KCNT2: variants seen among roughly 807,000 people sequenced by gnomAD.
The protein encoded by KCNT2 is potassium sodium-activated channel subfamily T member 2.
KCNT2 carries 67 observed loss-of-function variants against 153.8 expected under a neutral mutation model. That is an observed-to-expected ratio of 0.44 (90% CI 0.36 to 0.53). The LOEUF is 0.53. Among genes scored for constraint, KCNT2 ranks in the 20% least tolerant of loss-of-function variants. KCNT2 has a pLI of 0.00. For missense variants in KCNT2, 975 were observed against 1,354.8 expected (o/e 0.72, Z 4.40); for synonymous variants, 500 against 458.8 (o/e 1.09, Z -1.15).
chr1:196,466,199 C>G (rs1677602081), intron 7 of KCNT2, among the ~76,000 whole-genome samples: 2 of 151,728 alleles, frequency 1.3e-5, no homozygotes, highest in African/African-American at 4.8e-5. Context: ...TATTTTTTTC[C>G]AACAACTAAT....
chr1:196,342,842 ACTAACTGAATATT>A (rs1322280665), intron 14 of KCNT2, among the ~76,000 whole-genome samples: 1 of 152,146 alleles, frequency 6.6e-6, no homozygotes, highest in African/African-American at 2.4e-5. Context: ...GATCTCTCCA[ACTAACTGAATATT>A]CTTGTAACCA....
In KCNT2 at chr1:196,437,372, AT is replaced by A. The variant is rs1572450217; in HGVS notation, c.639-7616del. Among the ~76,000 whole-genome samples the A allele has an allele frequency of 6.5e-5, 9 of 139,096 alleles. No individual in the cohort carries two copies. In the East Asian group the frequency reaches 1.9e-3, roughly 29 times the overall value. The allele number at this position is 139,096 out of a possible 152,430, so 91.3% of individuals were successfully genotyped here. A position where few individuals can be genotyped will look rare whatever the true frequency, so the allele number is the denominator to read the frequency against. ...TATTAATATATTTTTATTTATATAT[AT>A]TTTTATTTATATATATACACAAATT... On this transcript the variant is annotated intron_variant, in intron 8 of 27. Coordinates refer to ENST00000294725, the MANE Select transcript of KCNT2 (RefSeq NM_198503.5).
intron 26 of KCNT2, among the ~76,000 whole-genome samples, chr1:196,256,814 G>C (rs1464615920): frequency 6.6e-6 from 1 of 151,528 alleles, no homozygotes; most frequent in African/African-American, 2.4e-5. Flanking sequence ...AATAGGGGCT[G>C]GGCAAAATAA....
intron 1 of KCNT2, among the ~76,000 whole-genome samples, chr1:196,573,850 T>A (rs1661052670): frequency 6.6e-6 from 1 of 152,038 alleles, no homozygotes; most frequent in Admixed American, 6.6e-5. Flanking sequence ...TATCTTGGTA[T>A]GTTACTCTTG....
rs752745999 is a variant in KCNT2 at position 196,519,892 on chromosome 1, A to C, written c.96-27551T>G. ...ACAAGGAAGATCTAGTACCATTCCT[A>C]TTGAAACTATTCCAAAAAATTGAAG... On this transcript the variant is annotated intron_variant, in intron 1 of 27. Transcript: ENST00000294725. Among the ~76,000 whole-genome samples the C allele has an allele frequency of 5.5e-4, 84 of 152,154 alleles. 1 individual carries two copies. Among genetic ancestry groups the C allele is most frequent in the Non-Finnish European group, 2.9e-4 (20 of 68,006 alleles).
chr1:196,596,441 T>C (rs1318702737), intron 1 of KCNT2, among the ~76,000 whole-genome samples: 1 of 152,174 alleles, frequency 6.6e-6, no homozygotes, highest in African/African-American at 2.4e-5. Context: ...AGTGAGGTGG[T>C]ATCACATTGT....
At chr1:196,382,144 G>A (rs1441014417) in intron 13 of KCNT2, among the ~76,000 whole-genome samples, 4 of 127,380 alleles carry the variant, frequency 3.1e-5, no homozygotes, top group Non-Finnish European at 5.2e-5. Context: ...TGTCCCCCAG[G>A]CTGGAATGCA....
intron 1 of KCNT2, among the ~76,000 whole-genome samples, chr1:196,513,823 A>G (rs1456359433): frequency 3.9e-5 from 6 of 152,224 alleles, no homozygotes; most frequent in Non-Finnish European, 8.8e-5. Flanking sequence ...AACTGGTTCT[A>G]CATAGAACAC....
At chr1:196,493,985 GC>G (rs1680056359) in intron 1 of KCNT2, among the ~76,000 whole-genome samples, 1 of 152,142 alleles carries the variant, frequency 6.6e-6, no homozygotes, top group South Asian at 2.1e-4. Flanking sequence ...TTCTAAAGAA[GC>G]CACTAAAATG....
intron 26 of KCNT2, among the ~76,000 whole-genome samples, chr1:196,238,104 G>T (rs1282813153): frequency 1.3e-5 from 2 of 151,802 alleles, no homozygotes; most frequent in Non-Finnish European, 2.9e-5. Flanking sequence ...TATGAACAAT[G>T]ACATTATTGA....
intron 12 of KCNT2, among the ~76,000 whole-genome samples, chr1:196,409,486 T>G (rs1434588453): frequency 6.6e-6 from 1 of 151,646 alleles, no homozygotes; most frequent in Non-Finnish European, 1.5e-5. Flanking sequence ...ACAATAATTG[T>G]CATTATTTTT....
intron 1 of KCNT2, among the ~76,000 whole-genome samples, chr1:196,519,153 C>A (rs1653006555): frequency 6.6e-6 from 1 of 152,026 alleles, no homozygotes; most frequent in African/African-American, 2.4e-5. Context: ...CACTCAAAGC[C>A]ATGCAATTAC....
At chr1:196,599,977 A>C (rs930285821) in intron 1 of KCNT2, among the ~76,000 whole-genome samples, 2 of 152,146 alleles carry the variant, frequency 1.3e-5, no homozygotes, top group African/African-American at 4.8e-5. Flanking sequence ...ATATCACTGA[A>C]CTAATTTATT....
chr1:196,457,132 G>A (rs1676742804), intron 8 of KCNT2, among the ~76,000 whole-genome samples: 1 of 151,698 alleles, frequency 6.6e-6, no homozygotes, highest in African/African-American at 2.4e-5. Context: ...GCTGTCTGAA[G>A]ATAAAACTGA....
intron 25 of KCNT2, among the ~76,000 whole-genome samples, chr1:196,265,075 C>T (rs542463004): frequency 8.5e-5 from 13 of 152,098 alleles, no homozygotes; most frequent in African/African-American, 2.9e-4. Context: ...CTTTCAATAC[C>T]CTCTTAGTGC....
chr1:196,246,240 A>G (rs75617712), intron 26 of KCNT2, among the ~76,000 whole-genome samples: 3,437 of 152,238 alleles, frequency 0.023, 118 homozygotes, highest in African/African-American at 0.078. Context: ...TAGGAATAAT[A>G]CTTGTATCCT....
intron 16 of KCNT2, among the ~76,000 whole-genome samples, chr1:196,338,991 G>T (rs561732891): frequency 2.7e-5 from 4 of 145,554 alleles, no homozygotes; most frequent in African/African-American, 7.8e-5. Context: ...GGAGAAAAAC[G>T]GTGTTGAATG....
chr1:196,254,433 A>G (rs1246728825), intron 26 of KCNT2, among the ~76,000 whole-genome samples: 1 of 151,610 alleles, frequency 6.6e-6, no homozygotes, highest in Non-Finnish European at 1.5e-5. Context: ...TGAAGTCATT[A>G]GCATGATCTC....
At chr1:196,453,040 T>G (rs1172259470) in intron 8 of KCNT2, among the ~76,000 whole-genome samples, 1 of 151,856 alleles carries the variant, frequency 6.6e-6, no homozygotes, top group Admixed American at 6.6e-5. Context: ...TGAGAAGCTG[T>G]TTTTGCCTGT....
Sources: allele counts gnomAD v4.1 joint callset (sites outside exome capture counted in the v4.1 genomes callset), GRCh38; gene constraint gnomAD v4.1.1; transcripts MANE v1.5; gene names NCBI Gene and HGNC (gene_info 2026-07-23, HGNC 2026-07-21).